Variants in MIA3 observed in about 807,000 individuals in gnomAD.
MIA3 encodes the protein transport and Golgi organization protein 1 homolog.
MIA3 carries 90 observed loss-of-function variants against 192.4 expected under a neutral mutation model. That is an observed-to-expected ratio of 0.47 (90% CI 0.39 to 0.56). MIA3 has a LOEUF of 0.56. Among genes scored for constraint, MIA3 ranks in the 20% least tolerant of loss-of-function variants. MIA3 has a pLI of 0.00. For missense variants in MIA3, 2,123 were observed against 2,269.4 expected, an observed-to-expected ratio of 0.94 and a Z score of 1.31; for synonymous variants, 740 against 792.8, an observed-to-expected ratio of 0.93 and a Z score of 1.12.
intron 6 of MIA3, among the ~76,000 whole-genome samples, chr1:222,645,090 T>A (rs1230224097): frequency 1.3e-5 from 2 of 152,232 alleles, no homozygotes; most frequent in African/African-American, 4.8e-5. Context: ...GATTTAAGAT[T>A]TTAAATCTTA....
rs2124828550 is a variant in MIA3 at position 222,624,778 on chromosome 1, C to T, written c.278C>T (p.Thr93Ile). 1 of 1,570,152 alleles carries T rather than the reference C, an allele frequency of 6.4e-7. No individual in the cohort carries two copies. The highest frequency in any genetic ancestry group is 8.8e-7 in the Non-Finnish European group (1 of 1,141,498). Residue 93 changes from threonine to isoleucine, a missense_variant, in exon 3 of 28, where the codon ACT becomes ATT. Coordinates refer to ENST00000344922, the MANE Select transcript of MIA3 (RefSeq NM_198551.4). ...CATTCTTTTGTGTAGGTTGGACGCA[C>T]TTTTGGATATTTTCCAAAAGATTTA... is the stretch of plus-strand genomic sequence containing the variant. ...PEVWAGSVGR[T>I]FGYFPKDLIQ... is the part of the protein sequence containing the mutation.
chr1:222,654,876 T>A, intron 18 of MIA3, 83 bp downstream of exon 18: 1 of 1,221,346 alleles, frequency 8.2e-7, no homozygotes, highest in Non-Finnish European at 1.2e-6. Context: ...TTATCGTTTT[T>A]CAGGATTGTA....
In MIA3 at chr1:222,629,792, C is replaced by G; in HGVS notation, c.2572C>G (p.Pro858Ala). ...KDSDYLKNDN[P>A]EEHLKTSGLA... ...TTCTGATTATCTGAAGAACGACAAC[C>G]CTGAGGAACATCTGAAGACCTCAGG... The change falls in exon 4 of 28, where the codon CCT becomes GCT. Residue 858 changes from proline to alanine, a missense_variant. Pro to Ala is a conservative substitution (Grantham distance 27). Transcript: ENST00000344922. The G allele has an allele frequency of 6.2e-7, 1 of 1,614,056 alleles. No individual in the cohort carries two copies. The highest frequency in any genetic ancestry group is 2.2e-5 in the East Asian group (1 of 44,866).
intron 23 of MIA3, 75 bp downstream of exon 23, chr1:222,660,081 G>C: frequency 6.3e-7 from 1 of 1,582,542 alleles, no homozygotes. Context: ...TTTTGTTTCT[G>C]TGTGTAATGG....
At chr1:222,644,520 G>T (rs1219854451) in intron 6 of MIA3, 1 of 1,550,556 alleles carries the variant, frequency 6.4e-7, no homozygotes, top group Admixed American at 2.0e-5. Flanking sequence ...CCGCTACCCC[G>T]GGGGACCCGG....
chr1:222,664,756 A>T (rs778429491), intron 27 of MIA3: 60 of 198,692 alleles, frequency 3.0e-4, no homozygotes, highest in African/African-American at 1.4e-3. Flanking sequence ...TACTGCATAA[A>T]TTTTTAACTG....
chr1:222,644,379 CT>C lies in MIA3; in HGVS notation c.3478-1174del. ...GAAGTTCAATCCCAGAGTCCGCCCC[CT>C]GAATTGGGGCCTTTCCGGAGGAGGA... On this transcript the variant is annotated intron_variant, in intron 6 of 27. Transcript: ENST00000344922. The C allele has an allele frequency of 3.9e-6, 6 of 1,521,992 alleles. No homozygotes were observed. The South Asian group carries it at 7.4e-5, about 19-fold the overall frequency. 94.3% of individuals were successfully genotyped at this position (1,521,992 alleles called of 1,614,324 possible). A position where few individuals can be genotyped will look rare whatever the true frequency, so the allele number is the denominator to read the frequency against.
chr1:222,654,508 A>G (rs752739379), intron 17 of MIA3, 29 bp downstream of exon 17: 26 of 1,576,554 alleles, frequency 1.6e-5, no homozygotes, highest in Non-Finnish European at 2.2e-5. Context: ...AGAAATTGCT[A>G]TATATTGGAA....
chr1:222,640,901 T>A (rs531713951), intron 6 of MIA3, among the ~76,000 whole-genome samples: 10 of 152,278 alleles, frequency 6.6e-5, no homozygotes, highest in African/African-American at 2.4e-4. Context: ...TCTAAAAAAA[T>A]GTAATGCAGT....
chr1:222,652,076 T>C (rs1663469429), intron 12 of MIA3, 28 bp downstream of exon 12: 1 of 1,369,746 alleles, frequency 7.3e-7, no homozygotes, highest in South Asian at 1.2e-5. Flanking sequence ...TCCTGCAGGA[T>C]ATTAATACTA....
At chr1:222,639,258 C>T (rs78011995) in intron 6 of MIA3, among the ~76,000 whole-genome samples, 2,874 of 152,194 alleles carry the variant, frequency 0.019, 48 homozygotes, top group Middle Eastern at 0.044. Flanking sequence ...AAAACCTTTC[C>T]ACAAAGAAAA....
At chr1:222,618,355 G>T in intron 1 of MIA3, 112 bp downstream of exon 1, 1 of 1,100,432 alleles carries the variant, frequency 9.1e-7, no homozygotes, top group Non-Finnish European at 1.2e-6. Flanking sequence ...CGGGAGTTCC[G>T]CAGCCCCTGG....
chr1:222,621,120 T>A, intron 1 of MIA3, 39 bp from the exon 2 acceptor site: 1 of 1,553,664 alleles, frequency 6.4e-7, no homozygotes, highest in Non-Finnish European at 8.7e-7. Context: ...CACTGAATCC[T>A]GATATCTGGC....
At chr1:222,654,582 C>G in intron 17 of MIA3, 73 bp from the exon 18 acceptor site, 2 of 1,567,308 alleles carry the variant, frequency 1.3e-6, no homozygotes, top group Non-Finnish European at 1.7e-6. Context: ...TCATTTCTCT[C>G]AGCACCAGCC....
chr1:222,651,301 C>T (rs1375430576), intron 11 of MIA3, among the ~76,000 whole-genome samples: 6 of 150,848 alleles, frequency 4.0e-5, no homozygotes, highest in Non-Finnish European at 7.4e-5. Context: ...AGAGAGGGTT[C>T]CATAAATCCC....
intron 1 of MIA3, among the ~76,000 whole-genome samples, chr1:222,619,946 A>G (rs186635024): frequency 6.6e-6 from 1 of 152,348 alleles, no homozygotes; most frequent in Admixed American, 6.5e-5. Flanking sequence ...AAATATTATT[A>G]TAAATCCTCT....
At chr1:222,654,892 T>C (rs1663635471) in intron 18 of MIA3, 99 bp downstream of exon 18, 1 of 1,046,620 alleles carries the variant, frequency 9.6e-7, no homozygotes, top group African/African-American at 1.6e-5. Context: ...TTGTACTCTT[T>C]TGCATCTGTA....
intron 6 of MIA3, among the ~76,000 whole-genome samples, chr1:222,644,865 T>C (rs1663059909): frequency 6.6e-6 from 1 of 152,110 alleles, no homozygotes; most frequent in African/African-American, 2.4e-5. Flanking sequence ...CTACAGGTCT[T>C]TTCTGCATAA....
At position 222,665,163 on chromosome 1, in the gene MIA3, A is replaced by C. The variant is rs879052836; in HGVS notation, c.5414-146A>C. ...GCAGTGAGCCATGATCACTCATTAC[A>C]CTCCAGCCCATGTGACAGGCAAGAC... On this transcript the variant is annotated intron_variant, in intron 27 of 27. Coordinates refer to ENST00000344922, the MANE Select transcript of MIA3 (RefSeq NM_198551.4). The C allele has an allele frequency of 1.0e-4, 65 of 626,792 alleles. 2 individuals are homozygous for C. In the South Asian group the frequency reaches 1.2e-3, roughly 12 times the overall value. 38.8% of individuals were successfully genotyped at this position (626,792 alleles called of 1,614,324 possible).
Sources: allele counts gnomAD v4.1 joint callset (sites outside exome capture counted in the v4.1 genomes callset), GRCh38; gene constraint gnomAD v4.1.1; transcripts MANE v1.5; gene names NCBI Gene and HGNC (gene_info 2026-07-23, HGNC 2026-07-21).